Variants in PACSIN1 observed in about 807,000 individuals in gnomAD.
The protein encoded by PACSIN1 is protein kinase C and casein kinase substrate in neurons 1.
A neutral mutation model predicts 59.5 loss-of-function variants in PACSIN1; 15 were observed. The ratio of observed to expected loss-of-function variants is 0.25; its 90% CI spans 0.17 to 0.39. PACSIN1 has a LOEUF of 0.39. PACSIN1 is among the 10% of genes least tolerant of loss of function. The probability of loss-of-function intolerance (pLI) is 1.00; values close to 1 mark genes in which losing one functional copy is unlikely to be tolerated. For missense variants in PACSIN1, 420 were observed against 580.2 expected (o/e 0.72, Z 2.84); for synonymous variants, 210 against 220.6 (o/e 0.95, Z 0.42).
At chr6:34,495,469 T>C (rs80014972) in intron 1 of PACSIN1, among the ~76,000 whole-genome samples, 1 of 151,364 alleles carries the variant, frequency 6.6e-6, no homozygotes, top group East Asian at 1.9e-4. Flanking sequence ...TTTTTTTTTT[T>C]CCAGACGGAG....
At position 34,530,120 on chromosome 6, in the gene PACSIN1, A is replaced by C. The variant is rs1767564007; in HGVS notation, c.789-123A>C. 7.5e-7 allele frequency: 1 copy of C among 1,340,682 alleles called. No homozygotes were observed. The highest frequency in any genetic ancestry group is 2.7e-5 in the Admixed American group (1 of 36,644). The allele number at this position is 1,340,682 out of a possible 1,614,324, so 83.0% of individuals were successfully genotyped here. A position where few individuals can be genotyped will look rare whatever the true frequency, so the allele number is the denominator to read the frequency against. ...AGCTTATTCTTGCAAAGCCCACATG[A>C]TTCCTGGCTGGGCAGCATGCCCAGC... On this transcript the variant is annotated intron_variant, in intron 6 of 9. Transcript: ENST00000244458. The surrounding 1 kb of genome is among the most constrained non-coding windows in gnomAD (Gnocchi z 4.4).
intron 1 of PACSIN1, among the ~76,000 whole-genome samples, chr6:34,467,442 A>G (rs929192540): frequency 1.3e-5 from 2 of 152,074 alleles, no homozygotes; most frequent in South Asian, 4.2e-4. Context: ...TCTGGGAAAT[A>G]GCTGGCAACC....
At chr6:34,482,940 G>A (rs1326448890) in intron 1 of PACSIN1, among the ~76,000 whole-genome samples, 3 of 150,578 alleles carry the variant, frequency 2.0e-5, no homozygotes, top group African/African-American at 4.9e-5. Context: ...GCCCACTTTG[G>A]CTTCCCAAAG....
At chr6:34,484,582 A>G (rs559368248) in intron 1 of PACSIN1, among the ~76,000 whole-genome samples, 6 of 152,060 alleles carry the variant, frequency 3.9e-5, no homozygotes, top group Non-Finnish European at 8.8e-5. Context: ...CCAAGAGTGA[A>G]CCCTAATGTA....
chr6:34,470,655 C>T (rs1013245078), intron 1 of PACSIN1, among the ~76,000 whole-genome samples: 1 of 151,774 alleles, frequency 6.6e-6, no homozygotes, highest in Non-Finnish European at 1.5e-5. Flanking sequence ...CTGAGTGCTA[C>T]CATGCCTGGC....
At chr6:34,504,284 ATATATATT>A (rs1427671865) in intron 1 of PACSIN1, among the ~76,000 whole-genome samples, 211 of 80,122 alleles carry the variant, frequency 2.6e-3, no homozygotes, top group African/African-American at 4.5e-3. Context: ...ATATATATAT[ATATATATT>A]TTTTTTTTTT....
In PACSIN1 at chr6:34,491,322, C is replaced by T. The variant is rs1167505735; in HGVS notation, c.-64+25052C>T. Among the ~76,000 whole-genome samples the T allele has an allele frequency of 3.9e-5, 6 of 152,166 alleles. 1 individual carries two copies. The South Asian group carries it at 1.2e-3, about 32-fold the overall frequency. ...CCACAGGCTTTATAATTAATTACCACTCCCCCAGCCTCTCCAATTCGGGAG... is the reference window on the plus strand; with the variant it reads ...CCACAGGCTTTATAATTAATTACCATTCCCCCAGCCTCTCCAATTCGGGAG... On this transcript the variant is annotated intron_variant, in intron 1 of 9. Coordinates refer to ENST00000244458, the MANE Select transcript of PACSIN1 (RefSeq NM_020804.5).
intron 1 of PACSIN1, among the ~76,000 whole-genome samples, chr6:34,507,601 T>C (rs1407816592): frequency 6.6e-6 from 1 of 151,914 alleles, no homozygotes; most frequent in Non-Finnish European, 1.5e-5. Context: ...AACAGAATCT[T>C]AAATGTACAA....
At chr6:34,486,121 C>A (rs1298963685) in intron 1 of PACSIN1, among the ~76,000 whole-genome samples, 1 of 151,900 alleles carries the variant, frequency 6.6e-6, no homozygotes, top group Admixed American at 6.5e-5. Context: ...AGAGCACATC[C>A]CAGCCCTGCA....
chr6:34,527,298 C>A, intron 2 of PACSIN1, 34 bp from the exon 3 acceptor site: 1 of 1,481,274 alleles, frequency 6.8e-7, no homozygotes, highest in Non-Finnish European at 9.0e-7. Flanking sequence ...ACGCTGGGAA[C>A]CCGCGGGAGT....
intron 1 of PACSIN1, among the ~76,000 whole-genome samples, chr6:34,468,911 G>A (rs2113830307): frequency 6.6e-6 from 1 of 152,330 alleles, no homozygotes; most frequent in South Asian, 2.1e-4. Flanking sequence ...GTGACTGTTG[G>A]TCCCATCATC....
intron 1 of PACSIN1, among the ~76,000 whole-genome samples, chr6:34,494,771 C>A (rs1375432031): frequency 1.3e-5 from 2 of 152,202 alleles, no homozygotes; most frequent in African/African-American, 4.8e-5. Context: ...CCAGGTCATG[C>A]CAGTGCTGCT....
intron 1 of PACSIN1, among the ~76,000 whole-genome samples, chr6:34,494,362 T>C (rs1359356221): frequency 6.6e-6 from 1 of 152,170 alleles, no homozygotes; most frequent in Admixed American, 6.5e-5. Context: ...TCTCCAAGTT[T>C]AATGCACACA....
chr6:34,510,798 C>G (rs1057275658), intron 1 of PACSIN1, among the ~76,000 whole-genome samples: 8 of 152,194 alleles, frequency 5.3e-5, no homozygotes, highest in African/African-American at 1.9e-4. Context: ...CTGCAACCTC[C>G]GCCTCCTGGG....
In PACSIN1 at chr6:34,473,314, A is replaced by G. The variant is rs55685522; in HGVS notation, c.-64+7044A>G. ...TGAGTGGTGGTCTCAGGGGCTGGGGAGGAAATCAGCATAGGAACACGAGAG... is the reference window on the plus strand; with the variant it reads ...TGAGTGGTGGTCTCAGGGGCTGGGGGGGAAATCAGCATAGGAACACGAGAG... On this transcript the variant is annotated intron_variant, in intron 1 of 9. Coordinates refer to ENST00000244458, the MANE Select transcript of PACSIN1 (RefSeq NM_020804.5). 9.9e-3 allele frequency among the ~76,000 whole-genome samples: 1,510 copies of G among 151,884 alleles called. 23 individuals carry two copies. Among genetic ancestry groups the G allele is most frequent in the African/African-American group, 0.032 (1,334 of 41,340 alleles).
Position 34,520,772 on chromosome 6 carries a change from G to C in PACSIN1, c.-63-5471G>C, listed in dbSNP as rs546052887. Among the ~76,000 whole-genome samples, 8 of 152,212 alleles carry C rather than the reference G, an allele frequency of 5.3e-5. No homozygotes were observed. In the South Asian group the frequency reaches 8.3e-4, roughly 16 times the overall value. Reference sequence around the variant, plus strand: ...GGACCACAGGGAGGAGGAGACCCTGGAACCGGGCCCTGAGGGCTGACCAAG... The same window carrying C: ...GGACCACAGGGAGGAGGAGACCCTGCAACCGGGCCCTGAGGGCTGACCAAG... On this transcript the variant is annotated intron_variant, in intron 1 of 9. Coordinates refer to ENST00000244458, the MANE Select transcript of PACSIN1 (RefSeq NM_020804.5).
At chr6:34,519,407 G>A (rs1318213127) in intron 1 of PACSIN1, among the ~76,000 whole-genome samples, 1 of 152,164 alleles carries the variant, frequency 6.6e-6, no homozygotes, top group Non-Finnish European at 1.5e-5. Context: ...GGTTAGAGGG[G>A]ATGGAGGTCC....
rs553849871 is a variant in PACSIN1 at position 34,525,352 on chromosome 6, C to T, written c.-63-891C>T. 2.6e-5 allele frequency among the ~76,000 whole-genome samples: 4 copies of T among 152,332 alleles called. No homozygotes were observed. The highest frequency in any genetic ancestry group is 3.9e-4 in the East Asian group (2 of 5,188). ...GGACATCCTCCACCAACCATTCTTA[C>T]GTGTTATTGCCCCTGCCCTGAGCCT... On this transcript the variant is annotated intron_variant, in intron 1 of 9. Coordinates refer to ENST00000244458, the MANE Select transcript of PACSIN1 (RefSeq NM_020804.5). This position sits in a 1 kb window ranked among gnomAD's most constrained non-coding sequence, Gnocchi z 4.9.
intron 1 of PACSIN1, among the ~76,000 whole-genome samples, chr6:34,475,086 G>C (rs1766620016): frequency 6.6e-6 from 1 of 152,092 alleles, no homozygotes; most frequent in African/African-American, 2.4e-5. Flanking sequence ...CCCATCTCCT[G>C]ATTCTACTTT....
Sources: gnomAD v4.1 joint callset for allele counts (sites outside exome capture counted in the v4.1 genomes callset) on GRCh38, gnomAD v4.1.1 for gene constraint, Gnocchi (gnomAD v3.1) non-coding constraint, MANE v1.5 for transcripts, NCBI Gene and HGNC (gene_info 2026-07-23, HGNC 2026-07-21) for gene names.